The following SEMA3A variants were observed in gnomAD, a reference collection of about 807,000 sequenced individuals.
The protein encoded by SEMA3A is semaphorin 3A, also known as semaphorin-3A.
A neutral mutation model predicts 97.9 loss-of-function variants in SEMA3A; 29 were observed. The ratio of observed to expected loss-of-function variants is 0.30; its 90% CI spans 0.22 to 0.40. SEMA3A has a LOEUF of 0.40. Among genes scored for constraint, SEMA3A ranks in the 10% least tolerant of loss-of-function variants. The pLI, the probability that SEMA3A is intolerant of heterozygous loss-of-function variation, is 1.00. For missense variants in SEMA3A, 763 were observed against 951.3 expected (o/e 0.80, Z 2.60); for synonymous variants, 321 against 323.7 (o/e 0.99, Z 0.09).
intron 1 of SEMA3A, among the ~76,000 whole-genome samples, chr7:84,155,321 T>A (rs1796809407): frequency 6.6e-6 from 1 of 152,152 alleles, no homozygotes; most frequent in South Asian, 2.1e-4. Flanking sequence ...TTCATATTTT[T>A]AAAAATTACT....
rs535597345 is a variant in SEMA3A at position 84,252,178 on chromosome 7, G to A, written c.-83+55029C>T. ...CCTGAATGTCATTGTTCCCTGCAGA[G>A]ACTTTGGTAAGTGTTCAGGAGGAGT... is the stretch of plus-strand genomic sequence containing the variant. On this transcript the variant is annotated intron_variant, in intron 3 of 3. Coordinates refer to the SEMA3A transcript ENST00000424555. 6.6e-5 allele frequency among the ~76,000 whole-genome samples: 10 copies of A among 152,272 alleles called. No individual in the cohort carries two copies. In the South Asian group the frequency reaches 2.1e-3, roughly 32 times the overall value.
chr7:84,133,920 G>A lies in SEMA3A; in HGVS notation c.270+874C>T, dbSNP rs985515038. Among the ~76,000 whole-genome samples the A allele has an allele frequency of 2.8e-4, 42 of 150,934 alleles. 1 individual carries two copies. The highest frequency in any genetic ancestry group is 6.8e-3 in the Middle Eastern group (2 of 292). ...AAAAAAAAAAAAAAAAAATTAGCCG[G>A]GCGTGGTGGCAGGCACCTGTAGTCC... On this transcript the variant is annotated intron_variant, in intron 2 of 16. Transcript: ENST00000265362.
chr7:84,380,889 G>C (rs923654267), intron 1 of SEMA3A, among the ~76,000 whole-genome samples: 1 of 152,120 alleles, frequency 6.6e-6, no homozygotes, highest in African/African-American at 2.4e-5. Flanking sequence ...GCTGGGAAAG[G>C]TTCTCTGCTT....
intron 5 of SEMA3A, among the ~76,000 whole-genome samples, chr7:84,052,302 G>A (rs1792710075): frequency 6.6e-6 from 1 of 152,256 alleles, no homozygotes; most frequent in Non-Finnish European, 1.5e-5. Context: ...GTTCCTCCTT[G>A]TACCTCTGGT....
chr7:84,054,185 T>C lies in SEMA3A; in HGVS notation c.547+6280A>G, dbSNP rs921461670. ...TCAACTTTGGTGAATCTGACAATTA[T>C]GTGTCTTGGAGTTGCTCTTCTCGAG... On this transcript the variant is annotated intron_variant, in intron 5 of 16. Coordinates refer to ENST00000265362, the MANE Select transcript of SEMA3A (RefSeq NM_006080.3). Among the ~76,000 whole-genome samples, 180 of 152,362 alleles carry C rather than the reference T, an allele frequency of 1.2e-3. No homozygotes were observed. In the East Asian group the frequency reaches 0.015, roughly 13 times the overall value.
intron 13 of SEMA3A, among the ~76,000 whole-genome samples, chr7:83,982,780 A>G (rs1789468963): frequency 6.6e-6 from 1 of 152,140 alleles, no homozygotes; most frequent in Non-Finnish European, 1.5e-5. Flanking sequence ...TTTCATGTAT[A>G]AACTGCATGT....
chr7:84,377,459 A>G (rs1803131552), intron 1 of SEMA3A, among the ~76,000 whole-genome samples: 1 of 152,058 alleles, frequency 6.6e-6, no homozygotes, highest in Non-Finnish European at 1.5e-5. Flanking sequence ...CCATTGGTCT[A>G]TGTGTCTGTT....
chr7:84,264,413 G>C (rs1193308933), intron 3 of SEMA3A, among the ~76,000 whole-genome samples: 2 of 152,136 alleles, frequency 1.3e-5, no homozygotes, highest in African/African-American at 4.8e-5. Context: ...AAGGATGGCA[G>C]CAGAATAGCC....
intron 1 of SEMA3A, among the ~76,000 whole-genome samples, chr7:84,137,755 C>A (rs899679595): frequency 7.1e-6 from 1 of 141,744 alleles, no homozygotes; most frequent in African/African-American, 2.6e-5. Flanking sequence ...AGATATTAAG[C>A]AATGAAAGGG....
At chr7:84,090,506 C>CA (rs963336161) in intron 4 of SEMA3A, among the ~76,000 whole-genome samples, 47 of 150,648 alleles carry the variant, frequency 3.1e-4, no homozygotes, top group African/African-American at 8.8e-4. Context: ...AACCTAAATG[C>CA]AAAAAAAACA....
intron 4 of SEMA3A, among the ~76,000 whole-genome samples, chr7:84,066,508 A>C (rs1458391619): frequency 6.7e-6 from 1 of 148,502 alleles, no homozygotes; most frequent in Non-Finnish European, 1.5e-5. Flanking sequence ...ACATGATCGT[A>C]TATCTAGAAA....
intron 6 of SEMA3A, among the ~76,000 whole-genome samples, chr7:84,027,936 G>A (rs1791607299): frequency 6.6e-6 from 1 of 152,160 alleles, no homozygotes; most frequent in Admixed American, 6.5e-5. Flanking sequence ...ATTAAGAAAT[G>A]TGTTTACCAC....
chr7:83,996,294 A>C (rs1448152044), intron 12 of SEMA3A, among the ~76,000 whole-genome samples: 1 of 146,626 alleles, frequency 6.8e-6, no homozygotes, highest in Non-Finnish European at 1.5e-5. Flanking sequence ...ACCATTTACT[A>C]GTAATCTTTT....
intron 2 of SEMA3A, among the ~76,000 whole-genome samples, chr7:84,362,084 T>C (rs763625449): frequency 2.0e-5 from 3 of 151,942 alleles, no homozygotes; most frequent in Non-Finnish European, 4.4e-5. Flanking sequence ...ACAATCTCTC[T>C]AAGATAAACA....
chr7:83,993,031 T>C (rs973468057), intron 12 of SEMA3A, among the ~76,000 whole-genome samples: 6 of 139,426 alleles, frequency 4.3e-5, no homozygotes, highest in African/African-American at 1.6e-4. Flanking sequence ...TTTAGGATAG[T>C]TAGCTCTTCT....
chr7:84,024,092 C>T (rs984284573), intron 6 of SEMA3A, among the ~76,000 whole-genome samples: 7 of 151,590 alleles, frequency 4.6e-5, no homozygotes, highest in African/African-American at 1.7e-4. Context: ...GTCCCAGTGA[C>T]ATTATAACTA....
chr7:84,248,063 TA>T (rs1410050056), intron 3 of SEMA3A, among the ~76,000 whole-genome samples: 56 of 152,262 alleles, frequency 3.7e-4, no homozygotes, highest in African/African-American at 1.1e-3. Flanking sequence ...ATCCGATAAA[TA>T]AATGCATACA....
At chr7:84,348,966 G>A (rs1802373085) in intron 2 of SEMA3A, among the ~76,000 whole-genome samples, 1 of 151,968 alleles carries the variant, frequency 6.6e-6, no homozygotes, top group Non-Finnish European at 1.5e-5. Flanking sequence ...CCTGGGCAAG[G>A]GAGTGAGACT....
At chr7:84,149,771 C>A (rs985722957) in intron 1 of SEMA3A, among the ~76,000 whole-genome samples, 1 of 152,158 alleles carries the variant, frequency 6.6e-6, no homozygotes, top group African/African-American at 2.4e-5. Flanking sequence ...GAAATATGAT[C>A]CCTATTTAAT....
Sources: gnomAD v4.1 joint callset for allele counts (sites outside exome capture counted in the v4.1 genomes callset) on GRCh38, gnomAD v4.1.1 for gene constraint, MANE v1.5 for transcripts, NCBI Gene and HGNC (gene_info 2026-07-23, HGNC 2026-07-21) for gene names.